PCDH15: variants seen among roughly 807,000 people sequenced by gnomAD.
The protein encoded by PCDH15 is protocadherin related 15, also known as protocadherin-15.
Under a neutral mutation model 178.5 loss-of-function variants are expected in PCDH15, and 129 were observed. The observed-to-expected ratio is 0.72, with a 90% CI of 0.63 to 0.84. The LOEUF (loss-of-function observed/expected upper bound fraction) is 0.84. Ranked by LOEUF, PCDH15 falls within the 40% of genes least tolerant of loss-of-function variation. The pLI, the probability that PCDH15 is intolerant of heterozygous loss-of-function variation, is 0.00. For missense variants in PCDH15, 2,230 were observed against 2,099.9 expected, an observed-to-expected ratio of 1.06 and a Z score of -1.21; for synonymous variants, 800 against 732.0, an observed-to-expected ratio of 1.09 and a Z score of -1.50.
At chr10:54,968,253 G>A (rs1400238517) in intron 2 of PCDH15, among the ~76,000 whole-genome samples, 1 of 152,086 alleles carries the variant, frequency 6.6e-6, no homozygotes, top group Admixed American at 6.6e-5. Flanking sequence ...CAATTAGTAA[G>A]AGACAGGAGT....
At chr10:53,923,592 G>A (rs946482808) in intron 25 of PCDH15, among the ~76,000 whole-genome samples, 5 of 152,152 alleles carry the variant, frequency 3.3e-5, no homozygotes, top group Non-Finnish European at 7.4e-5. Flanking sequence ...ATAAAACCAA[G>A]AAATCTTCTA....
intron 15 of PCDH15, among the ~76,000 whole-genome samples, chr10:54,131,163 T>C (rs1211560929): frequency 6.6e-6 from 1 of 152,212 alleles, no homozygotes; most frequent in East Asian, 1.9e-4. Context: ...AACTATAATA[T>C]GTTTCCTAGA....
intron 14 of PCDH15, among the ~76,000 whole-genome samples, chr10:54,135,899 A>G (rs935851806): frequency 6.6e-6 from 1 of 152,218 alleles, no homozygotes; most frequent in East Asian, 1.9e-4. Context: ...AAGATGAAAT[A>G]AGTTTATATA....
At chr10:54,435,829 T>G (rs908649758) in intron 3 of PCDH15, among the ~76,000 whole-genome samples, 3 of 151,270 alleles carry the variant, frequency 2.0e-5, no homozygotes, top group African/African-American at 7.3e-5. Flanking sequence ...AATTAGCCGG[T>G]CGTGGTGGCG....
At chr10:53,828,243 T>G in intron 31 of PCDH15, among the ~76,000 whole-genome samples, 1 of 127,272 alleles carries the variant, frequency 7.9e-6, no homozygotes, top group African/African-American at 3.4e-5. Context: ...AAAAAAAAAT[T>G]CCTAGGAATG....
intron 26 of PCDH15, among the ~76,000 whole-genome samples, chr10:53,881,038 C>T (rs1437981870): frequency 6.6e-6 from 1 of 151,738 alleles, no homozygotes; most frequent in African/African-American, 2.4e-5. Context: ...TATGTATACA[C>T]ATGCACACAT....
chr10:54,580,849 T>C (rs1156913579), intron 2 of PCDH15, among the ~76,000 whole-genome samples: 2 of 152,038 alleles, frequency 1.3e-5, no homozygotes, highest in Non-Finnish European at 2.9e-5. Context: ...AAAAACCATG[T>C]AATTATGATC....
intron 25 of PCDH15, among the ~76,000 whole-genome samples, chr10:53,910,106 C>T (rs2082970395): frequency 6.6e-6 from 1 of 152,228 alleles, no homozygotes; most frequent in Non-Finnish European, 1.5e-5. Context: ...GCAGCAGAAA[C>T]TTCTGCAGTC....
chr10:55,283,635 A>C (rs990515845), intron 1 of PCDH15, among the ~76,000 whole-genome samples: 5 of 150,904 alleles, frequency 3.3e-5, no homozygotes, highest in African/African-American at 1.2e-4. Flanking sequence ...CTATCCAGTC[A>C]CTATTAAGTA....
intron 8 of PCDH15, among the ~76,000 whole-genome samples, chr10:54,273,398 A>G (rs1364283551): frequency 6.6e-6 from 1 of 151,984 alleles, no homozygotes; most frequent in African/African-American, 2.4e-5. Context: ...TGATGCTTTA[A>G]AAACTGTAAT....
intron 3 of PCDH15, among the ~76,000 whole-genome samples, chr10:54,430,938 C>A (rs1369408804): frequency 6.6e-6 from 1 of 152,068 alleles, no homozygotes; most frequent in African/African-American, 2.4e-5. Flanking sequence ...CATTACAACT[C>A]ATACCACAGA....
At chr10:55,338,532 C>A (rs1335040778) in intron 2 of PCDH15, among the ~76,000 whole-genome samples, 1 of 152,146 alleles carries the variant, frequency 6.6e-6, no homozygotes, top group Non-Finnish European at 1.5e-5. Flanking sequence ...CTCGGGGAGA[C>A]CAAGACAGGC....
intron 2 of PCDH15, among the ~76,000 whole-genome samples, chr10:55,504,360 G>A (rs1840717758): frequency 6.6e-6 from 1 of 151,036 alleles, no homozygotes; most frequent in South Asian, 2.1e-4. Flanking sequence ...AAAATATGTT[G>A]GATATATTTC....
At chr10:54,896,332 A>G (rs912905405) in intron 3 of PCDH15, among the ~76,000 whole-genome samples, 2 of 152,200 alleles carry the variant, frequency 1.3e-5, no homozygotes, top group African/African-American at 4.8e-5. Context: ...CCTCCTTCAA[A>G]AACTAGAGTA....
At chr10:53,956,453 T>A (rs2087623191) in intron 23 of PCDH15, among the ~76,000 whole-genome samples, 1 of 152,196 alleles carries the variant, frequency 6.6e-6, no homozygotes, top group South Asian at 2.1e-4. Flanking sequence ...TTTAGACCTA[T>A]ATAAACATTT....
chr10:54,863,954 A>G (rs1953892362), intron 3 of PCDH15, among the ~76,000 whole-genome samples: 1 of 152,202 alleles, frequency 6.6e-6, no homozygotes, highest in Admixed American at 6.6e-5. Flanking sequence ...ATTCTGTTAA[A>G]TAACTGATCA....
intron 15 of PCDH15, among the ~76,000 whole-genome samples, chr10:54,130,709 G>A (rs1219468851): frequency 6.6e-6 from 1 of 152,158 alleles, no homozygotes; most frequent in Non-Finnish European, 1.5e-5. Flanking sequence ...CCAATTTGCT[G>A]CTATCTTCAA....
chr10:55,437,397 T>C (rs80345776), intron 2 of PCDH15, among the ~76,000 whole-genome samples: 3,181 of 152,182 alleles, frequency 0.021, 111 homozygotes, highest in African/African-American at 0.072. Context: ...TGAATTTGAG[T>C]TCTGGAGGTT....
chr10:54,458,970 C>T (rs1043128878), intron 3 of PCDH15, among the ~76,000 whole-genome samples: 1 of 152,104 alleles, frequency 6.6e-6, no homozygotes, highest in African/African-American at 2.4e-5. Flanking sequence ...AAACAAATTC[C>T]TGGTGGGATC....
Sources: gnomAD v4.1 joint callset for allele counts (sites outside exome capture counted in the v4.1 genomes callset) on GRCh38, gnomAD v4.1.1 for gene constraint, MANE v1.5 for transcripts, NCBI Gene and HGNC (gene_info 2026-07-23, HGNC 2026-07-21) for gene names.